XPA: variants seen among roughly 807,000 people sequenced by gnomAD.
XPA encodes DNA repair protein complementing XP-A cells.
In XPA, 27 loss-of-function variants were observed where a neutral mutation model predicts 35.7. That is an observed-to-expected ratio of 0.76 (90% CI 0.56 to 1.04). XPA has a LOEUF of 1.04. Ranked by LOEUF, XPA falls within the 50% of genes least tolerant of loss-of-function variation. The pLI is 0.00. For synonymous variants in XPA, 133 were observed against 118.4 expected (o/e 1.12, Z -0.80); for missense variants, 354 against 342.7 (o/e 1.03, Z -0.26).
downstream of XPA, chr9:97,671,451 TTTG>T (rs1379183352): frequency 8.1e-6 from 3 of 372,546 alleles, no homozygotes; most frequent in Non-Finnish European, 1.5e-5. Context: ...CTGTGATCAG[TTTG>T]TTATTTTTTT....
At chr9:97,661,141 A>G in the XPA span, 11 of 1,572,564 alleles carry the variant, frequency 7.0e-6, no homozygotes, top group Non-Finnish European at 9.5e-6. Context: ...AACTCTGGCA[A>G]CATGATGCTC....
chr9:97,665,117 C>T, the XPA span, among the ~76,000 whole-genome samples: 1 of 152,220 alleles, frequency 6.6e-6, no homozygotes, highest in African/African-American at 2.4e-5. Flanking sequence ...AAGTCCATCA[C>T]AACCTTTAAC....
the XPA span, among the ~76,000 whole-genome samples, chr9:97,657,176 T>C: frequency 6.6e-6 from 1 of 151,982 alleles, no homozygotes; most frequent in Non-Finnish European, 1.5e-5. Flanking sequence ...CTGTGTTAGC[T>C]GGGATGATCT....
chr9:97,654,729 A>G, the XPA span: 1 of 715,072 alleles, frequency 1.4e-6, no homozygotes, highest in Non-Finnish European at 2.3e-6. Context: ...TCAAAGCTGT[A>G]AGAAAAAACA....
chr9:97,657,885 GCTCTCTCTCT>G, the XPA span, among the ~76,000 whole-genome samples: 2 of 114,028 alleles, frequency 1.8e-5, no homozygotes, highest in Non-Finnish European at 3.4e-5. Context: ...GCCCCGGTAA[GCTCTCTCTCT>G]CTCTCTCTCT....
chr9:97,687,310 T>G (rs1828751211), intron 3 of XPA, 49 bp from the exon 4 acceptor site: 2 of 1,511,412 alleles, frequency 1.3e-6, no homozygotes, highest in Non-Finnish European at 8.9e-7. Flanking sequence ...TTAAATAAGC[T>G]AAGTTTGCAA....
At chr9:97,671,416 T>A (rs531515216), downstream of XPA, 1 of 474,490 alleles carries the variant, frequency 2.1e-6, no homozygotes, top group East Asian at 3.7e-5. Context: ...CATGATATAT[T>A]ATATATGTGA....
At chr9:97,660,144 T>C in the XPA span, among the ~76,000 whole-genome samples, 1 of 152,254 alleles carries the variant, frequency 6.6e-6, no homozygotes, top group South Asian at 2.1e-4. Context: ...TCTGTTTTTC[T>C]TCGCCTTCTT....
At chr9:97,690,901 G>A (rs1828868158) in intron 2 of XPA, among the ~76,000 whole-genome samples, 1 of 152,210 alleles carries the variant, frequency 6.6e-6, no homozygotes, top group South Asian at 2.1e-4. Context: ...CTATGTCAAG[G>A]TCTTTAACCT....
At chr9:97,660,777 A>C in the XPA span, among the ~76,000 whole-genome samples, 61 of 152,356 alleles carry the variant, frequency 4.0e-4, 1 homozygote, top group African/African-American at 1.3e-3. Context: ...TATTAGAAAA[A>C]GCTTTCACAT....
At chr9:97,660,964 C>G in the XPA span, 1 of 1,611,898 alleles carries the variant, frequency 6.2e-7, no homozygotes, top group Non-Finnish European at 8.5e-7. Context: ...CCTGGACATT[C>G]TGTTGCCCTC....
At position 97,697,311 on chromosome 9, in the gene XPA, A is replaced by G. The variant is rs754702565; in HGVS notation, c.-19T>C. 1 of 1,597,086 alleles carries G rather than the reference A, an allele frequency of 6.3e-7. No homozygotes were observed. Among genetic ancestry groups the G allele is most frequent in the Non-Finnish European group, 8.5e-7 (1 of 1,179,122 alleles). ...CCGCCATCTCTGGCCCACTCCGAGG[A>G]CCTAGCTCCCAGCTCCACGCACGCG... On this transcript the variant is annotated 5_prime_UTR_variant, in exon 1 of 6. Coordinates refer to ENST00000375128, the MANE Select transcript of XPA (RefSeq NM_000380.4).
At chr9:97,660,322 C>T in the XPA span, among the ~76,000 whole-genome samples, 1 of 152,140 alleles carries the variant, frequency 6.6e-6, no homozygotes, top group African/African-American at 2.4e-5. Context: ...TCTGGTGATG[C>T]CTTACGGTGT....
the XPA span, among the ~76,000 whole-genome samples, chr9:97,658,077 T>C: frequency 6.6e-6 from 1 of 151,888 alleles, no homozygotes; most frequent in African/African-American, 2.4e-5. Context: ...AAAGTAGTAA[T>C]GGAATATGGT....
At chr9:97,664,409 ATCTTC>A in the XPA span, 2 of 1,612,436 alleles carry the variant, frequency 1.2e-6, no homozygotes, top group Non-Finnish European at 1.7e-6. Context: ...AGCAAATTGG[ATCTTC>A]TCTTCAGAAC....
At chr9:97,679,382 A>G (rs1368513962) in intron 5 of XPA, among the ~76,000 whole-genome samples, 2 of 146,910 alleles carry the variant, frequency 1.4e-5, no homozygotes, top group Non-Finnish European at 1.5e-5. Flanking sequence ...GCAATTTTTT[A>G]TAAGTTTGAA....
the XPA span, among the ~76,000 whole-genome samples, chr9:97,658,908 A>G: frequency 6.6e-6 from 1 of 152,236 alleles, no homozygotes; most frequent in South Asian, 2.1e-4. Context: ...TTGCCCTGTC[A>G]TCATTTTGAG....
chr9:97,683,411 G>A (rs1037457274), intron 5 of XPA, among the ~76,000 whole-genome samples: 3 of 152,138 alleles, frequency 2.0e-5, no homozygotes, highest in Non-Finnish European at 2.9e-5. Flanking sequence ...GTTCTTTAAT[G>A]AAATGCTCTT....
intron 5 of XPA, among the ~76,000 whole-genome samples, chr9:97,681,680 C>G (rs2131388264): frequency 6.6e-6 from 1 of 152,250 alleles, no homozygotes; most frequent in East Asian, 1.9e-4. Context: ...TACATTTGAA[C>G]CAGCTGAACG....
Sources: gnomAD v4.1 joint callset for allele counts (sites outside exome capture counted in the v4.1 genomes callset) on GRCh38, gnomAD v4.1.1 for gene constraint, MANE v1.5 for transcripts, NCBI Gene and HGNC (gene_info 2026-07-23, HGNC 2026-07-21) for gene names.